The following LRMDA variants were observed in gnomAD, a reference collection of about 807,000 sequenced individuals.
LRMDA encodes leucine-rich melanocyte differentiation-associated protein.
LRMDA carries 18 observed loss-of-function variants against 29.8 expected under a neutral mutation model. That is an observed-to-expected ratio of 0.60 (90% CI 0.42 to 0.90). The LOEUF (loss-of-function observed/expected upper bound fraction) is 0.90, where lower values mean the gene tolerates loss of function less well. Ranked by LOEUF, LRMDA falls within the 40% of genes least tolerant of loss-of-function variation. The pLI is 0.00. For synonymous variants in LRMDA, 125 were observed against 109.4 expected, an observed-to-expected ratio of 1.14 and a Z score of -0.89; for missense variants, 273 against 273.9, an observed-to-expected ratio of 1.00 and a Z score of 0.02.
At chr10:76,302,514 G>A (rs1224753179) in intron 5 of LRMDA, among the ~76,000 whole-genome samples, 9 of 151,988 alleles carry the variant, frequency 5.9e-5, no homozygotes, top group African/African-American at 1.7e-4. Flanking sequence ...GGCAGTTCAC[G>A]CTTGGTTTCT....
intron 2 of LRMDA, among the ~76,000 whole-genome samples, chr10:75,620,729 C>A (rs1210292265): frequency 6.6e-6 from 1 of 152,206 alleles, no homozygotes; most frequent in East Asian, 1.9e-4. Flanking sequence ...ATCTTAGTGA[C>A]TGTGAGTTAC....
chr10:75,793,958 C>A (rs1286340083), intron 2 of LRMDA, among the ~76,000 whole-genome samples: 1 of 152,206 alleles, frequency 6.6e-6, no homozygotes, highest in Non-Finnish European at 1.5e-5. Flanking sequence ...TCAACTCTGT[C>A]CCCATAGTGG....
rs949135808 is a variant in LRMDA, at chr10:75,700,478, T to C, written c.131+261984T>C. Among the ~76,000 whole-genome samples, 13 of 150,384 alleles carry C rather than the reference T, an allele frequency of 8.6e-5. No individual in the cohort carries two copies. In the South Asian group the frequency reaches 2.8e-3, roughly 32 times the overall value. ...TGAGATGGAGTCTCGCTCTGTCGCC[T>C]AGGCTGGAGTGCAGTGGCGCGATCT... is the stretch of plus-strand genomic sequence containing the variant. On this transcript the variant is annotated intron_variant, in intron 2 of 6. Coordinates refer to ENST00000611255, the MANE Select transcript of LRMDA (RefSeq NM_001305581.2).
At chr10:76,203,800 A>G (rs866488345) in intron 5 of LRMDA, among the ~76,000 whole-genome samples, 1 of 142,146 alleles carries the variant, frequency 7.0e-6, no homozygotes, top group African/African-American at 2.7e-5. Flanking sequence ...CCATCCACCC[A>G]TCTCTATTTC....
At chr10:75,565,196 C>T (rs1362229474) in intron 2 of LRMDA, among the ~76,000 whole-genome samples, 4 of 152,182 alleles carry the variant, frequency 2.6e-5, no homozygotes, top group East Asian at 3.8e-4. Flanking sequence ...ATGACCTTGG[C>T]AGGTCGGAGG....
chr10:76,280,745 T>C (rs999792877), intron 5 of LRMDA, among the ~76,000 whole-genome samples: 1 of 152,032 alleles, frequency 6.6e-6, no homozygotes, highest in African/African-American at 2.4e-5. Flanking sequence ...CCACCTGAAG[T>C]TGAGTGCTGC....
At chr10:76,413,418 C>T (rs928428660) in intron 6 of LRMDA, among the ~76,000 whole-genome samples, 1 of 152,200 alleles carries the variant, frequency 6.6e-6, no homozygotes, top group African/African-American at 2.4e-5. Context: ...GCAAAAGGCA[C>T]ATCTTACATG....
At chr10:76,384,046 A>G (rs1046105050) in intron 6 of LRMDA, among the ~76,000 whole-genome samples, 1 of 151,904 alleles carries the variant, frequency 6.6e-6, no homozygotes, top group Non-Finnish European at 1.5e-5. Flanking sequence ...CCTCTATGAA[A>G]TAGTAAACTC....
At chr10:75,635,523 A>G (rs891391620) in intron 2 of LRMDA, among the ~76,000 whole-genome samples, 4 of 152,140 alleles carry the variant, frequency 2.6e-5, no homozygotes, top group African/African-American at 9.7e-5. Context: ...GGCCTTAAAA[A>G]CATGTACCAG....
chr10:75,830,506 GA>G (rs1844322186), intron 2 of LRMDA, among the ~76,000 whole-genome samples: 1 of 151,106 alleles, frequency 6.6e-6, no homozygotes, highest in African/African-American at 2.5e-5. Flanking sequence ...GGAAAGCAAG[GA>G]AGAGCAAGTC....
intron 5 of LRMDA, among the ~76,000 whole-genome samples, chr10:76,309,736 T>G (rs977633646): frequency 6.6e-6 from 1 of 152,186 alleles, no homozygotes; most frequent in Non-Finnish European, 1.5e-5. Context: ...CAAGGTCCTG[T>G]ACAAAACTTG....
Position 76,230,649 on chromosome 10 carries a change from A to G in LRMDA, c.517-93752A>G, listed in dbSNP as rs554197921. On this transcript the variant is annotated intron_variant, in intron 5 of 6. Transcript: ENST00000611255. ...TTGGCATTTCCAGGCATTCTTTTCT[A>G]AACATATTCTTTATCTGAGCTGTCT... is the stretch of plus-strand genomic sequence containing the variant. 4.6e-5 allele frequency among the ~76,000 whole-genome samples: 7 copies of G among 151,974 alleles called. No homozygotes were observed. In the Middle Eastern group the frequency reaches 0.014, roughly 297 times the overall value.
intron 5 of LRMDA, among the ~76,000 whole-genome samples, chr10:76,285,266 G>A (rs2132339517): frequency 6.6e-6 from 1 of 152,180 alleles, no homozygotes; most frequent in East Asian, 1.9e-4. Flanking sequence ...AAATGTCATA[G>A]CTTGCTCTTT....
At chr10:76,188,477 T>C (rs902112956) in intron 5 of LRMDA, among the ~76,000 whole-genome samples, 12 of 152,084 alleles carry the variant, frequency 7.9e-5, no homozygotes, top group Non-Finnish European at 1.8e-4. Flanking sequence ...GTGCACAAGG[T>C]GATGGGTCTT....
At chr10:75,749,469 C>T (rs1394610078) in intron 2 of LRMDA, among the ~76,000 whole-genome samples, 1 of 151,900 alleles carries the variant, frequency 6.6e-6, no homozygotes, top group Non-Finnish European at 1.5e-5. Context: ...TATGTACATA[C>T]ACACACATAT....
At chr10:76,116,859 A>C (rs1319335243) in intron 5 of LRMDA, among the ~76,000 whole-genome samples, 1 of 152,118 alleles carries the variant, frequency 6.6e-6, no homozygotes. Flanking sequence ...TGTTACATAC[A>C]TTCAAGAGTC....
chr10:75,526,701 T>C (rs530827434), intron 2 of LRMDA, among the ~76,000 whole-genome samples: 1 of 151,718 alleles, frequency 6.6e-6, no homozygotes. Context: ...AAAAAAAATT[T>C]AAAAATTAGC....
chr10:75,976,277 C>A (rs556465583), intron 2 of LRMDA, among the ~76,000 whole-genome samples: 16 of 152,376 alleles, frequency 1.1e-4, no homozygotes, highest in African/African-American at 3.8e-4. Flanking sequence ...GAATCTTTAA[C>A]AAGCTATTCC....
At chr10:75,672,563 C>T (rs73280848) in intron 2 of LRMDA, among the ~76,000 whole-genome samples, 1,246 of 10,846 alleles carry the variant, frequency 0.11, 291 homozygotes, top group African/African-American at 0.34. Flanking sequence ...CCCCTCCCCT[C>T]CCCTTCCCTT....
Sources: gnomAD v4.1 joint callset for allele counts (sites outside exome capture counted in the v4.1 genomes callset) on GRCh38, gnomAD v4.1.1 for gene constraint, MANE v1.5 for transcripts, NCBI Gene and HGNC (gene_info 2026-07-23, HGNC 2026-07-21) for gene names.